REPS2: variants seen among roughly 807,000 people sequenced by gnomAD.
REPS2 encodes the protein ralBP1-associated Eps domain-containing protein 2.
In REPS2, 23 loss-of-function variants were observed where a neutral mutation model predicts 53.6. That is an observed-to-expected ratio of 0.43 (90% CI 0.31 to 0.61). The LOEUF is 0.61. REPS2 is among the 20% of genes least tolerant of loss of function. REPS2 has a pLI of 0.11. For missense variants in REPS2, 446 were observed against 534.9 expected, an observed-to-expected ratio of 0.83 and a Z score of 1.64; for synonymous variants, 238 against 218.6, an observed-to-expected ratio of 1.09 and a Z score of -0.78.
chrX:17,115,379 T>G (rs1227637553), intron 14 of REPS2, among the ~76,000 whole-genome samples: 22 of 112,597 alleles, frequency 2.0e-4, no homozygotes, highest in Non-Finnish European at 1.5e-4. Context: ...GTTGCCCGCA[T>G]GTCCCACCTC....
chrX:17,182,273 G>A, the REPS2 span, among the ~76,000 whole-genome samples: 1 of 110,827 alleles, frequency 9.0e-6, no homozygotes, highest in African/African-American at 3.3e-5. Context: ...TGGCTGACAT[G>A]TTGGAGAAGC....
At chrX:17,169,647 A>G in the REPS2 span, among the ~76,000 whole-genome samples, 1 of 111,565 alleles carries the variant, frequency 9.0e-6, no homozygotes, top group South Asian at 3.8e-4. Flanking sequence ...ATGACACTGT[A>G]CTCCAGCCTG....
chrX:17,032,889 AT>A (rs766885503), intron 5 of REPS2, among the ~76,000 whole-genome samples: 1 of 111,661 alleles, frequency 9.0e-6, no homozygotes, highest in Non-Finnish European at 1.9e-5. Flanking sequence ...CGGGTGTTGG[AT>A]TTTTTTCCCT....
At chrX:17,043,513 C>G (rs980081985) in intron 5 of REPS2, among the ~76,000 whole-genome samples, 18 of 108,500 alleles carry the variant, frequency 1.7e-4, no homozygotes, top group East Asian at 5.7e-4. Flanking sequence ...TGCCCCCCCC[C>G]CCGGCTTTGT....
intron 2 of REPS2, among the ~76,000 whole-genome samples, chrX:17,011,163 C>A (rs943759878): frequency 1.8e-5 from 2 of 110,534 alleles, no homozygotes; most frequent in Admixed American, 9.7e-5. Context: ...TTTAAGGGGG[C>A]ACTTACTCTC....
At chrX:17,072,791 T>C (rs1303067699) in intron 11 of REPS2, among the ~76,000 whole-genome samples, 3 of 111,940 alleles carry the variant, frequency 2.7e-5, no homozygotes, top group Non-Finnish European at 5.6e-5. Flanking sequence ...GGAGAGAGGC[T>C]TCCTGAGGTC....
intron 14 of REPS2, among the ~76,000 whole-genome samples, chrX:17,124,375 C>T (rs1472397233): frequency 8.9e-6 from 1 of 112,072 alleles, no homozygotes; most frequent in East Asian, 2.8e-4. Flanking sequence ...ATTCGTTTAT[C>T]ATGTTCTGTC....
At chrX:17,025,970 A>T (rs1447694510) in intron 4 of REPS2, among the ~76,000 whole-genome samples, 2 of 111,929 alleles carry the variant, frequency 1.8e-5, no homozygotes, top group Admixed American at 9.5e-5. Flanking sequence ...TGTGGCCCCA[A>T]ATGACCCAGT....
At chrX:17,194,199 C>T in the REPS2 span, among the ~76,000 whole-genome samples, 1 of 111,654 alleles carries the variant, frequency 9.0e-6, no homozygotes, top group African/African-American at 3.3e-5. Context: ...TAAGTACAGA[C>T]CCTAAAGTTC....
At chrX:17,119,933 G>A (rs2063119991) in intron 14 of REPS2, among the ~76,000 whole-genome samples, 1 of 94,465 alleles carries the variant, frequency 1.1e-5, no homozygotes, top group African/African-American at 4.1e-5. Context: ...CTAGAGTGCA[G>A]TGGCGCGATT....
At chrX:17,031,790 A>AGATG (rs1013611699) in intron 5 of REPS2, among the ~76,000 whole-genome samples, 2 of 111,865 alleles carry the variant, frequency 1.8e-5, no homozygotes, top group Non-Finnish European at 3.8e-5. Context: ...CAAGGTGACA[A>AGATG]GATGGAGGGA....
chrX:17,068,490 T>C lies in REPS2; in HGVS notation c.1279+19T>C, dbSNP rs1393912072. On this transcript the variant is annotated intron_variant, in intron 10 of 17. Transcript: ENST00000357277. ...AAACAAGGTAGGAGAAGAATGAGTT[T>C]TCTTCTTTAACCAGCGTTCTACCTG... The C allele has an allele frequency of 4.3e-6, 5 of 1,162,480 alleles. No homozygotes were observed. The highest frequency in any genetic ancestry group is 5.9e-6 in the Non-Finnish European group (5 of 853,885).
chrX:17,074,199 C>G, intron 12 of REPS2, 40 bp downstream of exon 12: 1 of 1,130,158 alleles, frequency 8.8e-7, no homozygotes, highest in Non-Finnish European at 1.2e-6. Context: ...CCCTTTGTGC[C>G]GTGCCCCTGC....
chrX:17,125,220 C>T (rs1435250967), intron 14 of REPS2, among the ~76,000 whole-genome samples: 1 of 110,980 alleles, frequency 9.0e-6, no homozygotes, highest in Admixed American at 9.6e-5. Context: ...CAAAATCTTA[C>T]TGCTGAAGAT....
chrX:17,046,025 C>T (rs1374104689), intron 5 of REPS2, among the ~76,000 whole-genome samples: 2 of 110,202 alleles, frequency 1.8e-5, no homozygotes, highest in Admixed American at 1.9e-4. Context: ...GAATTGCCCG[C>T]CCAATGATTA....
At chrX:17,100,242 CT>C in intron 13 of REPS2, 1 of 576,140 alleles carries the variant, frequency 1.7e-6, no homozygotes, top group Non-Finnish European at 3.1e-6. Flanking sequence ...CGGTAGAGAA[CT>C]TTTTCCACCA....
intron 1 of REPS2, among the ~76,000 whole-genome samples, chrX:17,003,911 G>C (rs935196110): frequency 3.6e-5 from 4 of 112,078 alleles, no homozygotes; most frequent in Non-Finnish European, 7.5e-5. Context: ...ACTTTGTTCA[G>C]ATTTCTCCCA....
intron 14 of REPS2, among the ~76,000 whole-genome samples, chrX:17,113,473 C>A (rs2063004835): frequency 9.1e-6 from 1 of 110,297 alleles, no homozygotes; most frequent in African/African-American, 3.3e-5. Flanking sequence ...TTGGCAGTAC[C>A]TTTTACTGTA....
At chrX:16,960,377 AAAG>A (rs1258509916) in intron 1 of REPS2, among the ~76,000 whole-genome samples, 1 of 33,649 alleles carries the variant, frequency 3.0e-5, no homozygotes, top group East Asian at 6.9e-3. Context: ...AAAGAAAAAA[AAAG>A]AGAGAAAAAC....
Sources: gnomAD v4.1 joint callset for allele counts (sites outside exome capture counted in the v4.1 genomes callset) on GRCh38, gnomAD v4.1.1 for gene constraint, MANE v1.5 for transcripts, NCBI Gene and HGNC (gene_info 2026-07-23, HGNC 2026-07-21) for gene names.